Variants in FGF13 observed in about 807,000 individuals in gnomAD.
FGF13 encodes the protein fibroblast growth factor 13, also known as fibroblast growth factor homologous factor 2.
A neutral mutation model predicts 19.5 loss-of-function variants in FGF13; 2 were observed. The ratio of observed to expected loss-of-function variants is 0.10; its 90% CI spans 0.04 to 0.32. The LOEUF is 0.32. Among genes scored for constraint, FGF13 ranks in the 10% least tolerant of loss-of-function variants. The probability of loss-of-function intolerance (pLI) is 1.00; values close to 1 mark genes in which losing one functional copy is unlikely to be tolerated. For synonymous variants in FGF13, 72 were observed against 76.9 expected (o/e 0.94, Z 0.33); for missense variants, 113 against 192.7 (o/e 0.59, Z 2.45).
At chrX:138,678,370 TAATAA>T (rs1008589514) in intron 3 of FGF13, among the ~76,000 whole-genome samples, 3 of 111,881 alleles carry the variant, frequency 2.7e-5, no homozygotes, top group African/African-American at 9.7e-5. Flanking sequence ...AGTATAATAA[TAATAA>T]AATAAAATAA....
intron 1 of FGF13, among the ~76,000 whole-genome samples, chrX:139,096,657 A>G (rs1296036793): frequency 8.9e-6 from 1 of 112,135 alleles, no homozygotes; most frequent in Non-Finnish European, 1.9e-5. Flanking sequence ...AAGGAGTAAT[A>G]CAAGAAGCAG....
chrX:138,762,391 G>A (rs1020624333), intron 3 of FGF13, among the ~76,000 whole-genome samples: 4 of 112,175 alleles, frequency 3.6e-5, no homozygotes, highest in South Asian at 3.7e-4. Context: ...ACAAAGGATA[G>A]GTAATTTTAA....
chrX:138,646,858 AAC>A (rs2089312502), intron 3 of FGF13, among the ~76,000 whole-genome samples: 2 of 111,866 alleles, frequency 1.8e-5, no homozygotes, highest in South Asian at 3.7e-4. Flanking sequence ...GACAGAGCGA[AAC>A]ACAGAAATAC....
At chrX:138,643,754 C>A (rs2089275635) in intron 3 of FGF13, among the ~76,000 whole-genome samples, 2 of 110,984 alleles carry the variant, frequency 1.8e-5, no homozygotes, top group African/African-American at 6.6e-5. Context: ...GTGAATAACC[C>A]CCTAAAAAAC....
At chrX:138,877,269 A>T (rs753621258) in intron 1 of FGF13, among the ~76,000 whole-genome samples, 1 of 111,519 alleles carries the variant, frequency 9.0e-6, no homozygotes, top group South Asian at 3.8e-4. Flanking sequence ...AAAGGAAAAA[A>T]GCCTCCTTTT....
chrX:138,779,612 G>A (rs1403933408), intron 3 of FGF13, among the ~76,000 whole-genome samples: 1 of 110,415 alleles, frequency 9.1e-6, no homozygotes, highest in African/African-American at 3.3e-5. Flanking sequence ...GAAGTTTAGA[G>A]AAAAAAGAAT....
chrX:138,918,891 T>C (rs1170526576), intron 1 of FGF13, among the ~76,000 whole-genome samples: 1 of 111,881 alleles, frequency 8.9e-6, no homozygotes, highest in Non-Finnish European at 1.9e-5. Context: ...AAAATCATCA[T>C]TTGTTGCCAT....
At chrX:138,948,957 A>T (rs190345498) in intron 1 of FGF13, among the ~76,000 whole-genome samples, 1 of 112,065 alleles carries the variant, frequency 8.9e-6, no homozygotes, top group African/African-American at 3.2e-5. Context: ...AGGAACAGTC[A>T]TATTTATTGA....
intron 3 of FGF13, among the ~76,000 whole-genome samples, chrX:138,762,676 C>T (rs1391825483): frequency 9.0e-6 from 1 of 111,605 alleles, no homozygotes; most frequent in African/African-American, 3.3e-5. Context: ...ATAGGCAAGT[C>T]ACTTACCCTC....
intron 1 of FGF13, among the ~76,000 whole-genome samples, chrX:138,984,519 A>G (rs1214385327): frequency 1.4e-4 from 3 of 21,731 alleles, no homozygotes; most frequent in Admixed American, 4.4e-4. Flanking sequence ...GAGGAAGAAG[A>G]AGAGGAAGAA....
intron 3 of FGF13, among the ~76,000 whole-genome samples, chrX:138,824,087 T>C (rs1257405258): frequency 1.8e-5 from 2 of 111,906 alleles, no homozygotes; most frequent in Admixed American, 1.9e-4. Context: ...ATCAAGGTAA[T>C]TGAAGGGGCA....
rs6634036 is a variant in FGF13, at chrX:138,992,210, G to C, written c.-112-127560C>G. Among the ~76,000 whole-genome samples the C allele has an allele frequency of 1.4e-4, 16 of 110,813 alleles. No individual in the cohort carries two copies. The East Asian group carries it at 4.2e-3, about 29-fold the overall frequency. ...TTTTAGTCATTTAGCTGTCGATTTAGGAGTTCTTTATATTTGGGGGATATT... is the reference window on the plus strand; with the variant it reads ...TTTTAGTCATTTAGCTGTCGATTTACGAGTTCTTTATATTTGGGGGATATT... On this transcript the variant is annotated intron_variant, in intron 1 of 2. Transcript: ENST00000421460.
At chrX:138,660,194 T>C (rs780078911) in intron 3 of FGF13, among the ~76,000 whole-genome samples, 2 of 112,045 alleles carry the variant, frequency 1.8e-5, no homozygotes, top group Non-Finnish European at 3.8e-5. Context: ...AGGTTTCACA[T>C]AGGTTATTAA....
intron 1 of FGF13, among the ~76,000 whole-genome samples, chrX:139,171,183 A>C (rs1035801439): frequency 2.8e-5 from 3 of 107,922 alleles, no homozygotes; most frequent in Non-Finnish European, 3.8e-5. Context: ...GTTGTGCCCT[A>C]TTCATCTTAG....
intron 3 of FGF13, among the ~76,000 whole-genome samples, chrX:138,653,032 A>C (rs1362934089): frequency 1.1e-4 from 12 of 112,140 alleles, no homozygotes; most frequent in Admixed American, 7.6e-4. Context: ...TTACAGATTG[A>C]ACAGTAAAAC....
intron 1 of FGF13, among the ~76,000 whole-genome samples, chrX:138,931,417 C>T (rs977708794): frequency 1.8e-5 from 2 of 111,939 alleles, no homozygotes; most frequent in East Asian, 2.8e-4. Flanking sequence ...TTTGCTTTAG[C>T]GCAGATGTTT....
intron 3 of FGF13, among the ~76,000 whole-genome samples, chrX:138,778,573 C>T (rs1013734317): frequency 1.3e-4 from 15 of 112,172 alleles, no homozygotes; most frequent in African/African-American, 4.9e-4. Flanking sequence ...CCTGGAAAAT[C>T]GGGTCTCTCC....
chrX:139,185,768 T>A (rs1204308730), intron 1 of FGF13, among the ~76,000 whole-genome samples: 3 of 112,190 alleles, frequency 2.7e-5, no homozygotes, highest in African/African-American at 9.7e-5. Flanking sequence ...TATTATCTTG[T>A]TAATAATATC....
intron 3 of FGF13, among the ~76,000 whole-genome samples, chrX:138,819,687 C>A (rs2090985581): frequency 9.0e-6 from 1 of 111,500 alleles, no homozygotes; most frequent in Non-Finnish European, 1.9e-5. Context: ...GTTTCTTACC[C>A]AAAACAGAAA....
Sources: allele counts gnomAD v4.1 joint callset (sites outside exome capture counted in the v4.1 genomes callset), GRCh38; gene constraint gnomAD v4.1.1; transcripts MANE v1.5; gene names NCBI Gene and HGNC (gene_info 2026-07-23, HGNC 2026-07-21).